The following NT5DC1 variants were observed in gnomAD, a reference collection of about 807,000 sequenced individuals.
NT5DC1 encodes the protein 5'-nucleotidase domain containing 1, also known as 5'-nucleotidase domain-containing protein 1.
NT5DC1 carries 42 observed loss-of-function variants against 59.4 expected under a neutral mutation model. That is an observed-to-expected ratio of 0.71 (90% CI 0.55 to 0.92). The LOEUF is 0.92. Among genes scored for constraint, NT5DC1 ranks in the 40% least tolerant of loss-of-function variants. The pLI is 0.00. For synonymous variants in NT5DC1, 172 were observed against 188.1 expected (o/e 0.91, Z 0.70); for missense variants, 501 against 537.1 (o/e 0.93, Z 0.66).
At chr6:116,133,415 G>C (rs965819387) in intron 6 of NT5DC1, among the ~76,000 whole-genome samples, 1 of 152,086 alleles carries the variant, frequency 6.6e-6, no homozygotes, top group Non-Finnish European at 1.5e-5. Flanking sequence ...TTGTTCCTCT[G>C]TTTGCCATCG....
At chr6:116,144,007 C>T (rs1283461545) in intron 6 of NT5DC1, among the ~76,000 whole-genome samples, 1 of 151,982 alleles carries the variant, frequency 6.6e-6, no homozygotes, top group Non-Finnish European at 1.5e-5. Flanking sequence ...AGATTAGGAG[C>T]TTTATCATTA....
intron 8 of NT5DC1, among the ~76,000 whole-genome samples, chr6:116,233,131 CTAA>C (rs1028483855): frequency 3.3e-5 from 5 of 152,010 alleles, no homozygotes; most frequent in Non-Finnish European, 7.4e-5. Flanking sequence ...GAAAATTGTC[CTAA>C]TAATATATTT....
At chr6:116,209,692 G>GT (rs544091716) in intron 6 of NT5DC1, among the ~76,000 whole-genome samples, 5 of 151,490 alleles carry the variant, frequency 3.3e-5, no homozygotes, top group African/African-American at 9.7e-5. Context: ...GTTTATTTGG[G>GT]GTTTTTTTTC....
At chr6:116,107,734 G>A (rs998900001) in intron 2 of NT5DC1, among the ~76,000 whole-genome samples, 6 of 151,620 alleles carry the variant, frequency 4.0e-5, no homozygotes, top group South Asian at 2.1e-4. Flanking sequence ...CACTACGCCC[G>A]GCTAATTTTT....
chr6:116,101,827 A>G (rs1438390249), intron 1 of NT5DC1, among the ~76,000 whole-genome samples: 1 of 152,166 alleles, frequency 6.6e-6, no homozygotes, highest in Admixed American at 6.5e-5. Context: ...AAAAGTTACC[A>G]GATTTTTTTA....
At chr6:116,242,494 AAG>A (rs552738805) in intron 11 of NT5DC1, among the ~76,000 whole-genome samples, 8 of 147,766 alleles carry the variant, frequency 5.4e-5, no homozygotes, top group Admixed American at 4.0e-4. Flanking sequence ...AAAAAAAAAA[AAG>A]AGAGAGAGAG....
chr6:116,163,663 G>A (rs1780398324), intron 6 of NT5DC1, among the ~76,000 whole-genome samples: 1 of 151,762 alleles, frequency 6.6e-6, no homozygotes, highest in Admixed American at 6.6e-5. Context: ...GCTAGTTTTG[G>A]GTTTGGTTCG....
In NT5DC1 at chr6:116,246,153, TTG is replaced by T. The variant is rs1771842912; in HGVS notation, c.*2131_*2132del. ...AAAGAAGTTATATGAAGCAAAAAAATTGTATAAATGGACAGAAGACATGTAAT... is the reference window on the plus strand; with the variant it reads ...AAAGAAGTTATATGAAGCAAAAAAATTATAAATGGACAGAAGACATGTAAT... On this transcript the variant is annotated 3_prime_UTR_variant, in exon 12 of 12. Transcript: ENST00000319550. 1 of 151,908 alleles carries T rather than the reference TTG, an allele frequency of 6.6e-6. No individual in the cohort carries two copies. Among genetic ancestry groups the T allele is most frequent in the African/African-American group, 2.4e-5 (1 of 41,364 alleles). 9.4% of individuals were successfully genotyped at this position (151,908 alleles called of 1,614,324 possible). A position where few individuals can be genotyped will look rare whatever the true frequency, so the allele number is the denominator to read the frequency against.
intron 6 of NT5DC1, among the ~76,000 whole-genome samples, chr6:116,219,526 AC>A (rs1307559489): frequency 6.6e-6 from 1 of 151,806 alleles, no homozygotes; most frequent in African/African-American, 2.4e-5. Flanking sequence ...AGCATCACAG[AC>A]CCCCTCAGAG....
intron 6 of NT5DC1, among the ~76,000 whole-genome samples, chr6:116,143,390 C>A (rs1582831258): frequency 6.6e-6 from 1 of 151,834 alleles, no homozygotes; most frequent in African/African-American, 2.4e-5. Context: ...TTTTTTGTAT[C>A]TTTAGTAGAG....
At chr6:116,118,655 G>T (rs1779015647) in intron 6 of NT5DC1, among the ~76,000 whole-genome samples, 1 of 152,136 alleles carries the variant, frequency 6.6e-6, no homozygotes, top group African/African-American at 2.4e-5. Flanking sequence ...CCAAAAACAT[G>T]TCAAGACAAT....
rs750734494 is a variant in NT5DC1, at chr6:116,138,934, A to T, written c.529+20989A>T. Among the ~76,000 whole-genome samples the T allele has an allele frequency of 5.3e-5, 8 of 152,170 alleles. No individual in the cohort carries two copies. The South Asian group carries it at 1.7e-3, about 31-fold the overall frequency. On this transcript the variant is annotated intron_variant, in intron 6 of 11. Transcript: ENST00000319550. ...TTCTCACATTGGTAAGTGTTAGTTTATAATTGCATTATTAGTTTTGTGACC... is the reference window on the plus strand; with the variant it reads ...TTCTCACATTGGTAAGTGTTAGTTTTTAATTGCATTATTAGTTTTGTGACC...
intron 1 of NT5DC1, among the ~76,000 whole-genome samples, chr6:116,102,444 C>T: frequency 6.6e-6 from 1 of 152,160 alleles, no homozygotes; most frequent in East Asian, 1.9e-4. Context: ...CCACTGCTTC[C>T]CCTAGGTCTT....
At chr6:116,209,681 C>T (rs531010058) in intron 6 of NT5DC1, among the ~76,000 whole-genome samples, 6 of 151,472 alleles carry the variant, frequency 4.0e-5, no homozygotes, top group South Asian at 2.1e-4. Context: ...TAATTTTAGA[C>T]GTTTATTTGG....
intron 6 of NT5DC1, among the ~76,000 whole-genome samples, chr6:116,180,985 T>C (rs1305421877): frequency 6.6e-6 from 1 of 152,110 alleles, no homozygotes; most frequent in African/African-American, 2.4e-5. Flanking sequence ...TCAGGTGTCA[T>C]GTAGCTTAAT....
At chr6:116,132,632 G>A (rs1427005070) in intron 6 of NT5DC1, among the ~76,000 whole-genome samples, 1 of 152,010 alleles carries the variant, frequency 6.6e-6, no homozygotes. Context: ...CACATCCCCT[G>A]GCCTAATGTT....
intron 8 of NT5DC1, among the ~76,000 whole-genome samples, chr6:116,231,451 C>A (rs1388294693): frequency 1.3e-5 from 2 of 152,090 alleles, no homozygotes; most frequent in African/African-American, 4.8e-5. Context: ...AATCATAATT[C>A]ATTATTTAGT....
chr6:116,247,996 A>G lies in NT5DC1; in HGVS notation c.*3972A>G, dbSNP rs1305687066. ...TTACATAAGTAAATTCAAATGTGTC[A>G]ATCTGTAACTGTATGGAGTCCTGTA... On this transcript the variant is annotated 3_prime_UTR_variant, in exon 12 of 12. Transcript: ENST00000319550. 6.6e-6 allele frequency: 1 copy of G among 152,216 alleles called. No individual in the cohort carries two copies. Among genetic ancestry groups the G allele is most frequent in the African/African-American group, 2.4e-5 (1 of 41,448 alleles). The allele number at this position is 152,216 out of a possible 1,614,324, so 9.4% of individuals were successfully genotyped here.
chr6:116,227,544 T>A (rs566918029), intron 8 of NT5DC1, among the ~76,000 whole-genome samples: 59 of 152,288 alleles, frequency 3.9e-4, no homozygotes, highest in Admixed American at 9.8e-4. Flanking sequence ...ACCTCCACAC[T>A]TTTTTCCGTA....
Sources: allele counts gnomAD v4.1 joint callset (sites outside exome capture counted in the v4.1 genomes callset), GRCh38; gene constraint gnomAD v4.1.1; transcripts MANE v1.5; gene names NCBI Gene and HGNC (gene_info 2026-07-23, HGNC 2026-07-21).